Variants in DPP10 observed in about 807,000 individuals in gnomAD.
DPP10 encodes inactive dipeptidyl peptidase 10.
In DPP10, 33 loss-of-function variants were observed where a neutral mutation model predicts 120.9. That is an observed-to-expected ratio of 0.27 (90% CI 0.21 to 0.37). DPP10 has a LOEUF of 0.37. Ranked by LOEUF, DPP10 falls within the 10% of genes least tolerant of loss-of-function variation. DPP10 has a pLI of 1.00. For missense variants in DPP10, 816 were observed against 942.8 expected (o/e 0.87, Z 1.76); for synonymous variants, 337 against 326.1 (o/e 1.03, Z -0.36).
chr2:115,568,547 G>A (rs1345277275), intron 5 of DPP10, among the ~76,000 whole-genome samples: 7 of 59,838 alleles, frequency 1.2e-4, no homozygotes, highest in African/African-American at 1.7e-4. Context: ...TTGCGATGAG[G>A]TTGATCTTTT....
intron 1 of DPP10, among the ~76,000 whole-genome samples, chr2:114,557,895 T>G (rs1340199575): frequency 6.6e-6 from 1 of 152,166 alleles, no homozygotes; most frequent in Non-Finnish European, 1.5e-5. Context: ...TGACATGGGA[T>G]GTATTTTGAT....
At chr2:115,007,068 T>C (rs1349786789) in intron 1 of DPP10, among the ~76,000 whole-genome samples, 6 of 152,040 alleles carry the variant, frequency 3.9e-5, no homozygotes, top group Non-Finnish European at 8.8e-5. Flanking sequence ...AGAATCTCAC[T>C]CAAAACTTCT....
At chr2:115,577,559 T>A (rs757332628) in intron 5 of DPP10, among the ~76,000 whole-genome samples, 14 of 152,198 alleles carry the variant, frequency 9.2e-5, no homozygotes, top group Admixed American at 3.3e-4. Flanking sequence ...TTGCATTAAT[T>A]TTCTAGGGCT....
At position 115,664,666 on chromosome 2, in the gene DPP10, A is replaced by C. The variant is rs1252337477; in HGVS notation, c.442-25021A>C. Among the ~76,000 whole-genome samples, 4 of 152,182 alleles carry C rather than the reference A, an allele frequency of 2.6e-5. No individual in the cohort carries two copies. The East Asian group carries it at 7.7e-4, about 29-fold the overall frequency. ...CAGTTGGTATTTAGCTGCTGAGCTC[A>C]CCACCTCCTGTGCTTATTACATTCT... On this transcript the variant is annotated intron_variant, in intron 5 of 25. Transcript: ENST00000410059.
intron 1 of DPP10, among the ~76,000 whole-genome samples, chr2:114,722,075 G>A (rs1701734984): frequency 6.6e-6 from 1 of 152,126 alleles, no homozygotes; most frequent in African/African-American, 2.4e-5. Context: ...TCTTATATGA[G>A]GGAGGTAAGG....
At chr2:114,866,607 G>A (rs1454348612) in intron 1 of DPP10, among the ~76,000 whole-genome samples, 2 of 152,148 alleles carry the variant, frequency 1.3e-5, no homozygotes, top group African/African-American at 4.8e-5. Flanking sequence ...AATAGTCAAG[G>A]CAGCTGAGGT....
At chr2:115,826,652 C>G (rs1688351019) in intron 21 of DPP10, among the ~76,000 whole-genome samples, 1 of 152,122 alleles carries the variant, frequency 6.6e-6, no homozygotes, top group Admixed American at 6.5e-5. Context: ...ACCTGGGAGG[C>G]AGAGGTTACA....
intron 1 of DPP10, among the ~76,000 whole-genome samples, chr2:114,854,485 C>T (rs1689214774): frequency 1.3e-5 from 2 of 152,140 alleles, no homozygotes; most frequent in African/African-American, 4.8e-5. Flanking sequence ...ACACAAAGCA[C>T]CTCTGGCAGA....
intron 3 of DPP10, among the ~76,000 whole-genome samples, chr2:115,432,925 A>G (rs1223653435): frequency 6.6e-6 from 1 of 151,988 alleles, no homozygotes; most frequent in Non-Finnish European, 1.5e-5. Context: ...GCAACTAGTT[A>G]TGGTCCAGAT....
intron 3 of DPP10, among the ~76,000 whole-genome samples, chr2:115,444,001 C>A (rs2072326762): frequency 6.6e-6 from 1 of 152,148 alleles, no homozygotes. Flanking sequence ...AAGGCAAATT[C>A]TTATTAGCAG....
chr2:115,104,735 C>T (rs528586722), intron 1 of DPP10, among the ~76,000 whole-genome samples: 43 of 152,242 alleles, frequency 2.8e-4, no homozygotes, highest in South Asian at 4.2e-4. Flanking sequence ...TGGCCAGGCG[C>T]GGTGGCTCAT....
At chr2:114,731,562 A>C (rs1335260577) in intron 1 of DPP10, among the ~76,000 whole-genome samples, 1 of 152,056 alleles carries the variant, frequency 6.6e-6, no homozygotes, top group East Asian at 1.9e-4. Flanking sequence ...TATCCCTCTC[A>C]CAGGAAACTT....
In DPP10 at chr2:115,676,493, A is replaced by G. The variant is rs74552560; in HGVS notation, c.442-13194A>G. ...TATGATTTAGAAATTCAATAAAAAG[A>G]TAGCTGTATTAAAAAAGAACCAAAC... On this transcript the variant is annotated intron_variant, in intron 5 of 25. Transcript: ENST00000410059. 8.1e-3 allele frequency among the ~76,000 whole-genome samples: 1,236 copies of G among 152,320 alleles called. 17 individuals are homozygous for G. The highest frequency in any genetic ancestry group is 0.026 in the African/African-American group (1,081 of 41,580).
At chr2:115,194,409 A>G (rs928420417) in intron 1 of DPP10, among the ~76,000 whole-genome samples, 1 of 152,132 alleles carries the variant, frequency 6.6e-6, no homozygotes, top group Non-Finnish European at 1.5e-5. Context: ...TTTCCAGCAG[A>G]GACGGGATTT....
At chr2:115,536,083 T>C (rs1193045148) in intron 5 of DPP10, among the ~76,000 whole-genome samples, 1 of 152,048 alleles carries the variant, frequency 6.6e-6, no homozygotes, top group Non-Finnish European at 1.5e-5. Flanking sequence ...TTTGAAATAA[T>C]ATAACTGTAT....
intron 1 of DPP10, among the ~76,000 whole-genome samples, chr2:115,061,225 T>C (rs1243296382): frequency 6.6e-6 from 1 of 152,218 alleles, no homozygotes; most frequent in Admixed American, 6.5e-5. Context: ...TATGCACTTG[T>C]TTAAGAAGTG....
chr2:114,619,948 C>T (rs1483309689), intron 1 of DPP10, among the ~76,000 whole-genome samples: 1 of 151,912 alleles, frequency 6.6e-6, no homozygotes, highest in Non-Finnish European at 1.5e-5. Context: ...CCAATCCTTT[C>T]AACTTTAGCC....
chr2:115,808,116 G>T (rs1310354245), intron 19 of DPP10, among the ~76,000 whole-genome samples: 1 of 152,154 alleles, frequency 6.6e-6, no homozygotes, highest in Non-Finnish European at 1.5e-5. Flanking sequence ...TGCCAGACAC[G>T]TGTTCGAGAG....
At chr2:115,462,373 T>C (rs2074038709) in intron 3 of DPP10, among the ~76,000 whole-genome samples, 1 of 152,200 alleles carries the variant, frequency 6.6e-6, no homozygotes, top group Non-Finnish European at 1.5e-5. Context: ...CAATTAATAC[T>C]TCTGCAGCAG....
Sources: gnomAD v4.1 joint callset for allele counts (sites outside exome capture counted in the v4.1 genomes callset) on GRCh38, gnomAD v4.1.1 for gene constraint, MANE v1.5 for transcripts, NCBI Gene and HGNC (gene_info 2026-07-23, HGNC 2026-07-21) for gene names.